Variants in PRKAG2 observed in about 807,000 individuals in gnomAD.
PRKAG2 encodes 5'-AMP-activated protein kinase subunit gamma-2.
PRKAG2 carries 26 observed loss-of-function variants against 69.6 expected under a neutral mutation model. That is an observed-to-expected ratio of 0.37 (90% confidence interval 0.27 to 0.52). The LOEUF is 0.52. PRKAG2 is among the 20% of genes least tolerant of loss of function. PRKAG2 has a pLI of 0.90. For synonymous variants in PRKAG2, 293 were observed against 285.0 expected (o/e 1.03, Z -0.28); for missense variants, 557 against 740.0 (o/e 0.75, Z 2.87).
chr7:151,570,540 T>G (rs1158692497), intron 9 of PRKAG2, among the ~76,000 whole-genome samples: 3 of 152,184 alleles, frequency 2.0e-5, no homozygotes, highest in Non-Finnish European at 1.5e-5. Context: ...GTCACTAGAA[T>G]GCTACCAGGT....
intron 3 of PRKAG2, among the ~76,000 whole-genome samples, chr7:151,695,240 T>C (rs892308583): frequency 6.6e-6 from 1 of 152,226 alleles, no homozygotes. Context: ...CCTGTTTCTC[T>C]AAGTCATGGC....
In PRKAG2 at chr7:151,817,561, C is replaced by T. The variant is rs919294223; in HGVS notation, c.115-31020G>A. 5.1e-4 allele frequency among the ~76,000 whole-genome samples: 77 copies of T among 152,316 alleles called. 1 individual carries two copies. Among genetic ancestry groups the T allele is most frequent in the African/African-American group, 1.8e-3 (73 of 41,562 alleles). The stretch of plus-strand genomic sequence containing the variant: ...GTCAGGCCTCATGACCCTTGGGCCC[C>T]GCATGCAGGCACCCTCCTGACCCTA... On this transcript the variant is annotated intron_variant, in intron 1 of 15. Transcript: ENST00000287878.
chr7:151,588,658 C>T (rs1363506190), intron 6 of PRKAG2, among the ~76,000 whole-genome samples: 2 of 152,134 alleles, frequency 1.3e-5, no homozygotes, highest in Non-Finnish European at 2.9e-5. Flanking sequence ...CCGCACCCAG[C>T]GATCTGATGG....
In PRKAG2 at chr7:151,558,055, G is replaced by GATCGGCAATCT. The variant is rs548780259; in HGVS notation, c.1679-834_1679-824dup. On this transcript the variant is annotated intron_variant, in intron 15 of 15. Transcript: ENST00000287878. ...CACCAGACGCTAGACCCCTGAAAGAGATCGGCAATCTATTAGAGCGTGTGG... is the reference window on the plus strand; with the variant it reads ...CACCAGACGCTAGACCCCTGAAAGAGATCGGCAATCTATCGGCAATCTATTAGAGCGTGTGG... 3.1e-4 allele frequency: 306 copies of GATCGGCAATCT among 985,350 alleles called. 4 individuals are homozygous for GATCGGCAATCT. In the East Asian group the frequency reaches 0.024, roughly 77 times the overall value. The allele number at this position is 985,350 out of a possible 1,614,324, so 61.0% of individuals were successfully genotyped here.
chr7:151,639,214 G>A (rs1017537223), intron 4 of PRKAG2, among the ~76,000 whole-genome samples: 2 of 152,260 alleles, frequency 1.3e-5, no homozygotes, highest in Non-Finnish European at 2.9e-5. Flanking sequence ...TGCCGTCTTG[G>A]TTTCTTTTGA....
chr7:151,558,914 A>G, intron 15 of PRKAG2: 1 of 985,470 alleles, frequency 1.0e-6, no homozygotes, highest in Non-Finnish European at 1.2e-6. Context: ...AGAGAGGATG[A>G]ATCGCTTGAC....
At chr7:151,680,344 T>C (rs369821056) in intron 3 of PRKAG2, among the ~76,000 whole-genome samples, 1 of 152,230 alleles carries the variant, frequency 6.6e-6, no homozygotes, top group African/African-American at 2.4e-5. Flanking sequence ...ATGGCCCATC[T>C]GCAGGCACAG....
chr7:151,592,076 T>C (rs1411739042), intron 6 of PRKAG2, among the ~76,000 whole-genome samples: 3 of 152,064 alleles, frequency 2.0e-5, no homozygotes, highest in Admixed American at 6.5e-5. Context: ...GTGAAGTACA[T>C]GGACACTGCA....
At chr7:151,735,968 C>T (rs943092174) in intron 3 of PRKAG2, 3 of 1,536,240 alleles carry the variant, frequency 2.0e-6, no homozygotes, top group African/African-American at 2.7e-5. Flanking sequence ...TTTCTTGTTG[C>T]TCCTGAGGCT....
In PRKAG2 at chr7:151,781,728, C is replaced by A. The variant is rs1412918524; in HGVS notation, c.187-297G>T. On this transcript the variant is annotated intron_variant, in intron 2 of 15. Transcript: ENST00000287878. This position sits in a 1 kb window ranked among gnomAD's most constrained non-coding sequence, Gnocchi z 6.1. ...GTAGAGGGGAGGAAGGGAAGCGGAG[C>A]TCAAAATGAGCGTCTCCCTCCTTTA... Among the ~76,000 whole-genome samples the A allele has an allele frequency of 6.6e-6, 1 of 152,164 alleles. No homozygotes were observed. Among genetic ancestry groups the A allele is most frequent in the Non-Finnish European group, 1.5e-5 (1 of 68,026 alleles).
At chr7:151,668,559 C>T (rs954482) in intron 4 of PRKAG2, among the ~76,000 whole-genome samples, 103,227 of 152,092 alleles carry the variant, frequency 0.68, 35,131 homozygotes, top group African/African-American at 0.71. Flanking sequence ...TTAGCAGGAT[C>T]GTTCTTGGGT....
chr7:151,818,011 T>C (rs2078683785), intron 1 of PRKAG2, among the ~76,000 whole-genome samples: 1 of 152,160 alleles, frequency 6.6e-6, no homozygotes, highest in South Asian at 2.1e-4. Context: ...AGTCCCCCTT[T>C]ACAGGTCCAG....
chr7:151,634,144 A>T (rs981581447), intron 4 of PRKAG2, among the ~76,000 whole-genome samples: 2 of 152,214 alleles, frequency 1.3e-5, no homozygotes, highest in African/African-American at 4.8e-5. Context: ...AGACAATGGT[A>T]TTGGCAGAAG....
intron 2 of PRKAG2, among the ~76,000 whole-genome samples, chr7:151,783,017 A>G (rs915201722): frequency 6.6e-6 from 1 of 152,356 alleles, no homozygotes; most frequent in African/African-American, 2.4e-5. Flanking sequence ...CCCCACAGGC[A>G]GCCTCGGTGC....
chr7:151,825,122 G>A (rs1450983136), intron 1 of PRKAG2, among the ~76,000 whole-genome samples: 1 of 152,148 alleles, frequency 6.6e-6, no homozygotes, highest in Admixed American at 6.5e-5. Context: ...GCTGAGGCAG[G>A]AGAATGGCTT....
At chr7:151,748,922 A>G (rs1410998302) in intron 3 of PRKAG2, among the ~76,000 whole-genome samples, 1 of 147,426 alleles carries the variant, frequency 6.8e-6, no homozygotes, top group Non-Finnish European at 1.5e-5. Context: ...GACGACAGTG[A>G]GAGTATTTGC....
At chr7:151,722,739 A>G (rs1797320199) in intron 3 of PRKAG2, among the ~76,000 whole-genome samples, 1 of 152,096 alleles carries the variant, frequency 6.6e-6, no homozygotes, top group South Asian at 2.1e-4. Context: ...CAACAGCTCA[A>G]CACCGATTCC....
chr7:151,578,399 C>T (rs1390255042), intron 6 of PRKAG2, among the ~76,000 whole-genome samples: 6 of 152,156 alleles, frequency 3.9e-5, no homozygotes, highest in Non-Finnish European at 8.8e-5. Flanking sequence ...TGTTAACTTA[C>T]TAATGAAAAC....
intron 4 of PRKAG2, among the ~76,000 whole-genome samples, chr7:151,651,971 T>C (rs184564236): frequency 6.6e-6 from 1 of 152,292 alleles, no homozygotes; most frequent in Admixed American, 6.5e-5. Flanking sequence ...AGAAATAAGT[T>C]CTGATGTATC....
Sources: gnomAD v4.1 joint callset for allele counts (sites outside exome capture counted in the v4.1 genomes callset) on GRCh38, gnomAD v4.1.1 for gene constraint, Gnocchi (gnomAD v3.1) non-coding constraint, MANE v1.5 for transcripts, NCBI Gene and HGNC (gene_info 2026-07-23, HGNC 2026-07-21) for gene names.